The following CCDC171 variants were observed in gnomAD, a reference collection of about 807,000 sequenced individuals.
CCDC171 encodes coiled-coil domain-containing protein 171.
A neutral mutation model predicts 168.2 loss-of-function variants in CCDC171; 177 were observed. The ratio of observed to expected loss-of-function variants is 1.05; its 90% CI spans 0.93 to 1.19. The LOEUF is 1.19. Ranked by LOEUF, CCDC171 falls within the 50% of genes most tolerant of loss-of-function variation. CCDC171 has a pLI of 0.00. For missense variants in CCDC171, 1,991 were observed against 1,539.0 expected (o/e 1.29, Z -4.91); for synonymous variants, 687 against 540.8 (o/e 1.27, Z -3.75).
At chr9:16,016,018 T>C (rs61481057) in intron 3 of CCDC171, among the ~76,000 whole-genome samples, 2,550 of 152,356 alleles carry the variant, frequency 0.017, 86 homozygotes, top group African/African-American at 0.059. Flanking sequence ...CATTCATTTG[T>C]TGATGGACAT....
At chr9:16,024,147 C>T (rs1204959410) in intron 6 of CCDC171, among the ~76,000 whole-genome samples, 5 of 152,118 alleles carry the variant, frequency 3.3e-5, no homozygotes, top group Non-Finnish European at 7.4e-5. Flanking sequence ...CAAAGGAATG[C>T]AGCTCTGTCT....
At chr9:15,732,194 T>A (rs973643420) in intron 16 of CCDC171, among the ~76,000 whole-genome samples, 1 of 152,072 alleles carries the variant, frequency 6.6e-6, no homozygotes, top group Non-Finnish European at 1.5e-5. Context: ...TTTGATGAAG[T>A]CCAACTTACA....
chr9:16,106,160 A>G, the CCDC171 span, among the ~76,000 whole-genome samples: 1,521 of 152,328 alleles, frequency 1.0e-2, 20 homozygotes, highest in African/African-American at 0.033. Context: ...CAGGCAAATC[A>G]TCAAGAATGC....
chr9:16,108,773 A>T, the CCDC171 span, among the ~76,000 whole-genome samples: 1 of 152,218 alleles, frequency 6.6e-6, no homozygotes, highest in Non-Finnish European at 1.5e-5. Context: ...ATTACAATTA[A>T]AAAGTAAGAA....
At chr9:15,790,455 C>T (rs533215800) in intron 21 of CCDC171, among the ~76,000 whole-genome samples, 13 of 152,154 alleles carry the variant, frequency 8.5e-5, no homozygotes, top group Non-Finnish European at 1.5e-4. Context: ...TTGTTTTTTT[C>T]TTGTAAATTT....
intron 23 of CCDC171, 64 bp from the exon 24 acceptor site, chr9:15,874,468 C>G: frequency 2.1e-6 from 3 of 1,431,588 alleles, no homozygotes; most frequent in African/African-American, 1.4e-5. Flanking sequence ...TCAAGGGGAC[C>G]CAGTTCATCC....
At chr9:15,887,874 A>G (rs1343009478) in intron 24 of CCDC171, 2 of 151,946 alleles carry the variant, frequency 1.3e-5, no homozygotes, top group African/African-American at 4.8e-5. Context: ...GTCTGGGCCA[A>G]CTCTTACAAC....
At chr9:15,753,601 T>G (rs909017502) in intron 18 of CCDC171, among the ~76,000 whole-genome samples, 7 of 152,052 alleles carry the variant, frequency 4.6e-5, no homozygotes, top group Non-Finnish European at 8.8e-5. Context: ...GATAAAGATA[T>G]GCATAGGTAA....
chr9:15,717,770 A>G (rs1484386386), intron 11 of CCDC171, among the ~76,000 whole-genome samples: 1 of 151,906 alleles, frequency 6.6e-6, no homozygotes, highest in Admixed American at 6.6e-5. Flanking sequence ...GAAGGACCCA[A>G]TCCTGGCAGG....
chr9:15,838,399 C>T (rs868453556), intron 21 of CCDC171, among the ~76,000 whole-genome samples: 3 of 152,214 alleles, frequency 2.0e-5, no homozygotes, highest in South Asian at 2.1e-4. Context: ...TTTAATTAGA[C>T]AGTTATAGTT....
intron 6 of CCDC171, among the ~76,000 whole-genome samples, chr9:15,602,637 TTTTTTTTTTC>T (rs1301296240): frequency 8.0e-5 from 3 of 37,688 alleles, no homozygotes; most frequent in African/African-American, 3.0e-4. Context: ...CATTTCTTTT[TTTTTTTTTTC>T]TTTTTTTTTT....
At chr9:15,951,436 A>G (rs1349301802) in intron 25 of CCDC171, among the ~76,000 whole-genome samples, 1 of 152,120 alleles carries the variant, frequency 6.6e-6, no homozygotes, top group Non-Finnish European at 1.5e-5. Context: ...ACTATTTTAC[A>G]TTTCCACCAA....
intron 16 of CCDC171, among the ~76,000 whole-genome samples, chr9:15,738,999 C>G (rs2054671832): frequency 6.6e-6 from 1 of 152,194 alleles, no homozygotes; most frequent in South Asian, 2.1e-4. Context: ...AGCACTGTGA[C>G]AGACACTATA....
chr9:16,084,076 G>T, the CCDC171 span, among the ~76,000 whole-genome samples: 713 of 152,308 alleles, frequency 4.7e-3, 1 homozygote, highest in Middle Eastern at 0.024. Context: ...GATGCAGGTG[G>T]TTCCTTTTAA....
At chr9:16,041,823 C>A (rs1255086290), upstream of CCDC171, among the ~76,000 whole-genome samples, 1 of 152,126 alleles carries the variant, frequency 6.6e-6, no homozygotes, top group Non-Finnish European at 1.5e-5. Context: ...GAATGACCAA[C>A]CTTCATTCTT....
Position 15,821,545 on chromosome 9 carries a change from A to C in CCDC171, c.3268-25157A>C, listed in dbSNP as rs1434994307. On this transcript the variant is annotated intron_variant, in intron 21 of 25. Transcript: ENST00000380701. ...ACAAGCATTCTTATACACCAATAACAGACAAACAGCCAAATCATGAGTGAA... is the reference window on the plus strand; with the variant it reads ...ACAAGCATTCTTATACACCAATAACCGACAAACAGCCAAATCATGAGTGAA... Among the ~76,000 whole-genome samples the C allele has an allele frequency of 1.2e-4, 14 of 117,766 alleles. 2 individuals are homozygous for C. Among genetic ancestry groups the C allele is most frequent in the Admixed American group, 1.1e-3 (14 of 12,452 alleles). 77.3% of individuals were successfully genotyped at this position (117,766 alleles called of 152,430 possible).
intron 1 of CCDC171, among the ~76,000 whole-genome samples, chr9:15,563,305 A>T (rs917918321): frequency 6.6e-6 from 1 of 151,910 alleles, no homozygotes; most frequent in Admixed American, 6.6e-5. Flanking sequence ...CGCCTGGCTA[A>T]TTTTATATTT....
intron 7 of CCDC171, among the ~76,000 whole-genome samples, chr9:15,633,705 C>A (rs1014975267): frequency 4.6e-5 from 7 of 152,144 alleles, no homozygotes; most frequent in Admixed American, 3.3e-4. Context: ...AATCATTCTA[C>A]TATACAGACA....
intron 18 of CCDC171, among the ~76,000 whole-genome samples, chr9:15,774,659 T>C (rs1302631146): frequency 6.6e-6 from 1 of 152,220 alleles, no homozygotes; most frequent in East Asian, 1.9e-4. Context: ...TGCACACGCA[T>C]GTTGATAGCA....
Sources: allele counts gnomAD v4.1 joint callset (sites outside exome capture counted in the v4.1 genomes callset), GRCh38; gene constraint gnomAD v4.1.1; transcripts MANE v1.5; gene names NCBI Gene and HGNC (gene_info 2026-07-23, HGNC 2026-07-21).